The following COL17A1 variants were observed in gnomAD, a reference collection of about 807,000 sequenced individuals.
COL17A1 encodes the protein collagen alpha-1(XVII) chain.
Under a neutral mutation model 218.4 loss-of-function variants are expected in COL17A1, and 181 were observed. The observed-to-expected ratio is 0.83, with a 90% confidence interval of 0.73 to 0.94. The LOEUF is 0.94. Ranked by LOEUF, COL17A1 falls within the 40% of genes least tolerant of loss-of-function variation. The pLI is 0.00. For missense variants in COL17A1, 1,924 were observed against 1,945.9 expected, an observed-to-expected ratio of 0.99 and a Z score of 0.21; for synonymous variants, 721 against 731.0, an observed-to-expected ratio of 0.99 and a Z score of 0.22.
intron 38 of COL17A1, 84 bp downstream of exon 38, chr10:104,041,217 GCC>G: frequency 6.2e-7 from 1 of 1,606,564 alleles, no homozygotes; most frequent in Non-Finnish European, 8.5e-7. Context: ...CTATAAGCCA[GCC>G]CAGAGGGCCC....
chr10:104,050,923 GCA>G, intron 25 of COL17A1, 22 bp from the exon 26 acceptor site: 1 of 1,614,110 alleles, frequency 6.2e-7, no homozygotes, highest in Non-Finnish European at 8.5e-7. Flanking sequence ...AAGAAACCAT[GCA>G]CACAGATGAG....
At chr10:104,082,835 C>T (rs538619405) in intron 1 of COL17A1, among the ~76,000 whole-genome samples, 16 of 152,308 alleles carry the variant, frequency 1.1e-4, no homozygotes, top group African/African-American at 3.1e-4. Flanking sequence ...ATGACAAAGC[C>T]TTGACTTCTG....
In COL17A1 at chr10:104,078,533, G is replaced by A; in HGVS notation, c.97+9C>T. The A allele has an allele frequency of 6.2e-7, 1 of 1,614,170 alleles. No individual in the cohort carries two copies. The highest frequency in any genetic ancestry group is 1.1e-5 in the South Asian group (1 of 91,088). ...TACTGAAAAGAAAGCTATTGAGGTAGTTACTTACTTGGTGGTAAGGATGTA... is the reference window on the plus strand; with the variant it reads ...TACTGAAAAGAAAGCTATTGAGGTAATTACTTACTTGGTGGTAAGGATGTA... On this transcript the variant is annotated intron_variant, in intron 3 of 55. Coordinates refer to ENST00000648076, the MANE Select transcript of COL17A1 (RefSeq NM_000494.4).
intron 51 of COL17A1, 135 bp from the exon 52 acceptor site, chr10:104,034,469 T>C (rs2086254193): frequency 6.8e-7 from 1 of 1,475,738 alleles, no homozygotes; most frequent in African/African-American, 1.4e-5. Flanking sequence ...TGTACCCGAG[T>C]GGGAGAATTT....
In COL17A1 at chr10:104,055,943, AT is replaced by A. The variant is rs2086520819; in HGVS notation, c.1525del (p.Ile509TyrfsTer11). 1 of 1,613,950 alleles carries A rather than the reference AT, an allele frequency of 6.2e-7. No homozygotes were observed. The highest frequency in any genetic ancestry group is 8.5e-7 in the Non-Finnish European group (1 of 1,180,022). On this transcript the variant is annotated frameshift_variant, in exon 18 of 56. Coordinates refer to ENST00000648076, the MANE Select transcript of COL17A1 (RefSeq NM_000494.4). LOFTEE classifies it high-confidence loss of function. ...VDELERIRRS[I>X]LPYGDSMDRI... is the part of the protein sequence containing the mutation. ...ATCCATGCTGTCCCCATAGGGCAGT[AT>A]GCTCCTCCTGATCCTCTCCAGCTCA...
At chr10:104,061,287 G>A in intron 13 of COL17A1, 118 bp downstream of exon 13, 1 of 1,031,852 alleles carries the variant, frequency 9.7e-7, no homozygotes, top group South Asian at 1.5e-5. Context: ...ACCACTCATG[G>A]GTCCTATTTC....
At chr10:104,077,582 C>A in intron 3 of COL17A1, 56 bp from the exon 4 acceptor site, 1 of 1,419,838 alleles carries the variant, frequency 7.0e-7, no homozygotes, top group East Asian at 2.4e-5. Flanking sequence ...CAGAGGATCC[C>A]CTGGTCCCCC....
chr10:104,058,142 C>G lies in COL17A1; in HGVS notation c.1267+4G>C, dbSNP rs537631527. The G allele has an allele frequency of 2.3e-4, 365 of 1,614,210 alleles. 3 individuals are homozygous for G. The South Asian group carries it at 3.5e-3, about 16-fold the overall frequency. On this transcript the variant is annotated splice_donor_region_variant and intron_variant, in intron 16 of 55. Transcript: ENST00000648076. The stretch of plus-strand genomic sequence containing the variant: ...TCACTGCAGGGTTCGCGGTTCTCAC[C>G]CACCTGCAGTGGTGGTCTTGCCCTT...
At chr10:104,051,589 C>G in intron 24 of COL17A1, 73 bp from the exon 25 acceptor site, 9 of 1,587,834 alleles carry the variant, frequency 5.7e-6, no homozygotes, top group Non-Finnish European at 6.9e-6. Context: ...CGGTGCAGGG[C>G]AGGTGGGGGT....
intron 7 of COL17A1, among the ~76,000 whole-genome samples, chr10:104,072,950 C>T (rs189885871): frequency 6.6e-6 from 1 of 152,218 alleles, no homozygotes; most frequent in Non-Finnish European, 1.5e-5. Flanking sequence ...CACAGCAAGA[C>T]AAATGATGCC....
chr10:104,060,248 A>G lies in COL17A1; in HGVS notation c.1012T>C (p.Leu338=). Residue 338 remains leucine (L), a synonymous_variant, in exon 14 of 56, where the codon TTG becomes CTG. Coordinates refer to ENST00000648076, the MANE Select transcript of COL17A1 (RefSeq NM_000494.4). Reference sequence around the variant, plus strand: ...ATCAGGAACTTGCAGTCCTTGTGCAAAAGGTCATCGCTCTGCACACTTGTG... The same window carrying G: ...ATCAGGAACTTGCAGTCCTTGTGCAGAAGGTCATCGCTCTGCACACTTGTG... ...CTTSVQSDDL[L]HKDCKFLILE... 6.2e-7 allele frequency: 1 copy of G among 1,614,170 alleles called. No individual in the cohort carries two copies. The highest frequency in any genetic ancestry group is 8.5e-7 in the Non-Finnish European group (1 of 1,180,030).
At position 104,055,788 on chromosome 10, in the gene COL17A1, C is replaced by T. The variant is rs750768700; in HGVS notation, c.1681G>A (p.Glu561Lys). 3 of 1,614,022 alleles carry T rather than the reference C, an allele frequency of 1.9e-6. No homozygotes were observed. Among genetic ancestry groups the T allele is most frequent in the Non-Finnish European group, 2.5e-6 (3 of 1,180,052 alleles). Residue 561 changes from glutamate to lysine, a missense_variant, in exon 18 of 56, where the codon GAA becomes AAA. Coordinates refer to ENST00000648076, the MANE Select transcript of COL17A1 (RefSeq NM_000494.4). ...FVRKKLMMEQ[E>K]NGNLRGSPGP... The stretch of plus-strand genomic sequence containing the variant: ...TGCCCGGCGATGCTCTCACCATTTT[C>T]CTGTTCCATCATTAGCTTCTTCCTC...
intron 22 of COL17A1, 36 bp from the exon 23 acceptor site, chr10:104,053,171 C>A: frequency 6.2e-7 from 1 of 1,607,002 alleles, no homozygotes; most frequent in Non-Finnish European, 8.5e-7. Context: ...AAGTCAGGAT[C>A]CCGTACCCCA....
rs923187674 is a variant in COL17A1, at chr10:104,036,974, G to A, written c.3277+71C>T. The A allele has an allele frequency of 5.0e-6, 7 of 1,390,456 alleles. No homozygotes were observed. In the African/African-American group the frequency reaches 7.1e-5, roughly 14 times the overall value. 86.1% of individuals were successfully genotyped at this position (1,390,456 alleles called of 1,614,324 possible). A position where few individuals can be genotyped will look rare whatever the true frequency, so the allele number is the denominator to read the frequency against. ...CTTCCAAGGCTCAGACGAGGACAAG[G>A]TTTGCATGACGAGTGAGGCCAGGAG... On this transcript the variant is annotated intron_variant, in intron 47 of 55. Coordinates refer to ENST00000648076, the MANE Select transcript of COL17A1 (RefSeq NM_000494.4).
intron 1 of COL17A1, among the ~76,000 whole-genome samples, chr10:104,085,116 G>A (rs2086794954): frequency 6.6e-6 from 1 of 152,078 alleles, no homozygotes; most frequent in Non-Finnish European, 1.5e-5. Context: ...ATTCCTCTAA[G>A]TTTGATCCTG....
chr10:104,034,416 G>A (rs2086253698), intron 51 of COL17A1, 82 bp from the exon 52 acceptor site: 3 of 1,493,152 alleles, frequency 2.0e-6, no homozygotes, highest in African/African-American at 2.8e-5. Flanking sequence ...CTCTCCCAGG[G>A]TGTCAATGCC....
chr10:104,033,176 A>G, intron 53 of COL17A1, 62 bp downstream of exon 53: 2 of 1,558,008 alleles, frequency 1.3e-6, no homozygotes, highest in Non-Finnish European at 8.7e-7. Context: ...GTGTCTCTGG[A>G]GCAGACCCGT....
rs558197487 is a variant in COL17A1 at position 104,058,085 on chromosome 10, C to G, written c.1267+61G>C. On this transcript the variant is annotated intron_variant, in intron 16 of 55. Transcript: ENST00000648076. ...TCCAGGCGAGGGACCATCATCTGGTCCATTAGCCATAAGCAGCCCCACTGG... is the reference window on the plus strand; with the variant it reads ...TCCAGGCGAGGGACCATCATCTGGTGCATTAGCCATAAGCAGCCCCACTGG... 3 of 1,609,276 alleles carry G rather than the reference C, an allele frequency of 1.9e-6. No homozygotes were observed. The South Asian group carries it at 3.3e-5, about 18-fold the overall frequency.
At chr10:104,057,214 C>G in intron 16 of COL17A1, 42 bp from the exon 17 acceptor site, 2 of 1,613,658 alleles carry the variant, frequency 1.2e-6, no homozygotes, top group Non-Finnish European at 1.7e-6. Flanking sequence ...GCAGGCAGCT[C>G]CTGCCTTTTC....
Sources: allele counts gnomAD v4.1 joint callset (sites outside exome capture counted in the v4.1 genomes callset), GRCh38; gene constraint gnomAD v4.1.1; transcripts MANE v1.5; gene names NCBI Gene and HGNC (gene_info 2026-07-23, HGNC 2026-07-21).